RBFOX1: variants seen among roughly 807,000 people sequenced by gnomAD.
The protein encoded by RBFOX1 is RNA binding fox-1 homolog 1.
Under a neutral mutation model 57.7 loss-of-function variants are expected in RBFOX1, and 8 were observed. That is an observed-to-expected ratio of 0.14 (90% confidence interval 0.08 to 0.25). RBFOX1 has a LOEUF of 0.25. Among genes scored for constraint, RBFOX1 ranks in the 10% least tolerant of loss-of-function variants. RBFOX1 has a pLI of 1.00. For missense variants in RBFOX1, 611 were observed against 548.5 expected (o/e 1.11, Z -1.14); for synonymous variants, 326 against 222.4 (o/e 1.47, Z -4.15).
intron 4 of RBFOX1, among the ~76,000 whole-genome samples, chr16:7,416,250 C>T (rs558658022): frequency 2.6e-5 from 4 of 152,324 alleles, no homozygotes; most frequent in Admixed American, 6.5e-5. Context: ...TTTCTCCCCT[C>T]GCTCTCCCTT....
rs1471305133 is a variant in RBFOX1 at position 6,047,085 on chromosome 16, G to A, written c.-127+27093G>A. 2.0e-5 allele frequency among the ~76,000 whole-genome samples: 3 copies of A among 152,178 alleles called. No homozygotes were observed. In the East Asian group the frequency reaches 5.8e-4, roughly 29 times the overall value. On this transcript the variant is annotated intron_variant, in intron 1 of 15. Transcript: ENST00000550418. ...CTCGGACCCAAGGAAGAAACACAGAGGATGCATTATCATATGGAATGATTA... is the reference window on the plus strand; with the variant it reads ...CTCGGACCCAAGGAAGAAACACAGAAGATGCATTATCATATGGAATGATTA...
chr16:6,619,687 C>CTTTTT (rs34849467), intron 2 of RBFOX1, among the ~76,000 whole-genome samples: 2 of 117,946 alleles, frequency 1.7e-5, no homozygotes, highest in East Asian at 2.4e-4. Context: ...TGTTGGTTTC[C>CTTTTT]TTTTTTTTTT....
chr16:5,595,635 A>G (rs953251340), intron 2 of RBFOX1, among the ~76,000 whole-genome samples: 2 of 152,212 alleles, frequency 1.3e-5, no homozygotes, highest in East Asian at 1.9e-4. Flanking sequence ...TATTGTAAGG[A>G]TTCAGGGAAA....
rs114554657 is a variant in RBFOX1 at position 5,585,320 on chromosome 16, C to A, written c.259-13582C>A. Among the ~76,000 whole-genome samples the A allele has an allele frequency of 4.7e-3, 711 of 152,290 alleles. 3 individuals carry two copies. Among genetic ancestry groups the A allele is most frequent in the African/African-American group, 0.017 (688 of 41,550 alleles). On this transcript the variant is annotated intron_variant, in intron 2 of 2. Coordinates refer to the RBFOX1 transcript ENST00000585867. Reference sequence around the variant, plus strand: ...AGCATAATGTTTTCAATGTTCATCCCTGTTGTGGAATGACTCAGTCCTTCT... The same window carrying A: ...AGCATAATGTTTTCAATGTTCATCCATGTTGTGGAATGACTCAGTCCTTCT...
intron 4 of RBFOX1, among the ~76,000 whole-genome samples, chr16:7,487,273 C>T (rs1291431164): frequency 1.3e-5 from 2 of 152,198 alleles, no homozygotes; most frequent in Non-Finnish European, 2.9e-5. Context: ...ATGGTATACT[C>T]CTTCCTCAAC....
In RBFOX1 at chr16:6,173,758, T is replaced by A. The variant is rs958402487; in HGVS notation, c.-126-143237T>A. 2.6e-5 allele frequency among the ~76,000 whole-genome samples: 4 copies of A among 152,078 alleles called. No individual in the cohort carries two copies. The South Asian group carries it at 8.3e-4, about 32-fold the overall frequency. The stretch of plus-strand genomic sequence containing the variant: ...CAGAGTAGCTGGGGCTATAGGCGTA[T>A]GGCACCATGCCCAGCTAATTTTTAT... On this transcript the variant is annotated intron_variant, in intron 1 of 15. Transcript: ENST00000550418.
Position 5,458,592 on chromosome 16 carries a change from G to T in RBFOX1, c.220-8624G>T, listed in dbSNP as rs150899745. Among the ~76,000 whole-genome samples the T allele has an allele frequency of 1.1e-4, 17 of 152,348 alleles. No homozygotes were observed. In the South Asian group the frequency reaches 1.7e-3, roughly 15 times the overall value. On this transcript the variant is annotated intron_variant, in intron 1 of 2. Transcript: ENST00000585867. ...AGGTTAGGCAAGGCCTCACAGCCTA[G>T]ACTGGGCCATCCCAGCCACATTCTT...
chr16:5,650,969 C>G (rs2049215931), intron 3 of RBFOX1, among the ~76,000 whole-genome samples: 1 of 150,756 alleles, frequency 6.6e-6, no homozygotes, highest in Admixed American at 6.6e-5. Flanking sequence ...TCTTTCCTCC[C>G]CTGTCCTTCC....
intron 8 of RBFOX1, among the ~76,000 whole-genome samples, chr16:7,596,818 T>G (rs1257705482): frequency 6.6e-6 from 1 of 152,204 alleles, no homozygotes; most frequent in Non-Finnish European, 1.5e-5. Context: ...ACGTTAAAGC[T>G]TGAATGATTT....
chr16:7,030,001 G>T (rs565470731), intron 3 of RBFOX1, among the ~76,000 whole-genome samples: 1 of 152,118 alleles, frequency 6.6e-6, no homozygotes, highest in African/African-American at 2.4e-5. Context: ...TTTCGGTCAC[G>T]TGTGTGTGAT....
At chr16:6,866,834 GCC>G (rs2060020016) in intron 3 of RBFOX1, among the ~76,000 whole-genome samples, 1 of 151,862 alleles carries the variant, frequency 6.6e-6, no homozygotes, top group East Asian at 1.9e-4. Flanking sequence ...GAGCCACCGC[GCC>G]CAGCTAAAGG....
chr16:6,212,302 C>T (rs1474158161), intron 1 of RBFOX1, among the ~76,000 whole-genome samples: 1 of 152,084 alleles, frequency 6.6e-6, no homozygotes, highest in African/African-American at 2.4e-5. Flanking sequence ...TATATAGACA[C>T]ATTTGTATAG....
chr16:5,964,843 C>G (rs184993419), intron 4 of RBFOX1, among the ~76,000 whole-genome samples: 1 of 151,868 alleles, frequency 6.6e-6, no homozygotes, highest in Non-Finnish European at 1.5e-5. Flanking sequence ...TACACACACA[C>G]AATGACCTTA....
At chr16:7,122,307 A>C (rs1011982445) in intron 4 of RBFOX1, among the ~76,000 whole-genome samples, 1 of 152,160 alleles carries the variant, frequency 6.6e-6, no homozygotes, top group Non-Finnish European at 1.5e-5. Context: ...AAAAGTAAGA[A>C]AGCAAACAAA....
intron 3 of RBFOX1, among the ~76,000 whole-genome samples, chr16:6,663,889 G>C (rs75213087): frequency 6.6e-6 from 1 of 152,158 alleles, no homozygotes; most frequent in Non-Finnish European, 1.5e-5. Flanking sequence ...CTGAATACAC[G>C]TCAGTGTAGC....
chr16:6,630,769 G>C (rs9944368), intron 2 of RBFOX1, among the ~76,000 whole-genome samples: 60,068 of 151,858 alleles, frequency 0.4, 12,527 homozygotes, highest in African/African-American at 0.51. Context: ...GAAGGAGGTT[G>C]AAATTGTAGT....
chr16:6,132,606 G>A (rs2096637412), intron 1 of RBFOX1, among the ~76,000 whole-genome samples: 1 of 152,186 alleles, frequency 6.6e-6, no homozygotes, highest in African/African-American at 2.4e-5. Context: ...CGTGAAGCTA[G>A]TAAAAAGGCA....
At chr16:6,830,932 G>T (rs376748872) in intron 3 of RBFOX1, among the ~76,000 whole-genome samples, 1 of 152,194 alleles carries the variant, frequency 6.6e-6, no homozygotes, top group Admixed American at 6.5e-5. Context: ...CATATAGCCT[G>T]TTGTGAATCC....
At chr16:7,121,390 G>A (rs1485318222) in intron 4 of RBFOX1, among the ~76,000 whole-genome samples, 2 of 152,018 alleles carry the variant, frequency 1.3e-5, no homozygotes, top group African/African-American at 2.4e-5. Flanking sequence ...CCTCTTAGGT[G>A]AAAACATAAA....
Sources: allele counts gnomAD v4.1 joint callset (sites outside exome capture counted in the v4.1 genomes callset), GRCh38; gene constraint gnomAD v4.1.1; transcripts MANE v1.5; gene names NCBI Gene and HGNC (gene_info 2026-07-23, HGNC 2026-07-21).